The following CACNA2D1 variants were observed in gnomAD, a reference collection of about 807,000 sequenced individuals.
The protein encoded by CACNA2D1 is calcium voltage-gated channel auxiliary subunit alpha2delta 1.
In CACNA2D1, 53 loss-of-function variants were observed where a neutral mutation model predicts 171.5. That is an observed-to-expected ratio of 0.31 (90% CI 0.25 to 0.39). The LOEUF (loss-of-function observed/expected upper bound fraction) is 0.39. Among genes scored for constraint, CACNA2D1 ranks in the 10% least tolerant of loss-of-function variants. The probability of loss-of-function intolerance (pLI) is 1.00; values close to 1 mark genes in which losing one functional copy is unlikely to be tolerated. For synonymous variants in CACNA2D1, 442 were observed against 443.1 expected, an observed-to-expected ratio of 1.00 and a Z score of 0.03; for missense variants, 903 against 1,299.8, an observed-to-expected ratio of 0.69 and a Z score of 4.69.
Position 82,023,624 on chromosome 7 carries a change from G to A in CACNA2D1, c.1144-9145C>T, listed in dbSNP as rs1801523155. ...TCACCAAACTTTCTTTCAAGATGTT[G>A]TAATTTTTCTGTATTTCTAAATTTT... On this transcript the variant is annotated intron_variant, in intron 12 of 38. Transcript: ENST00000356860. 2.0e-5 allele frequency among the ~76,000 whole-genome samples: 3 copies of A among 151,496 alleles called. No homozygotes were observed. In the Admixed American group the frequency reaches 2.0e-4, roughly 10 times the overall value.
intron 13 of CACNA2D1, among the ~76,000 whole-genome samples, chr7:82,013,899 G>T (rs1800102307): frequency 6.6e-6 from 1 of 151,756 alleles, no homozygotes; most frequent in Non-Finnish European, 1.5e-5. Context: ...TGTTGCCATG[G>T]TATCACAGTT....
intron 10 of CACNA2D1, among the ~76,000 whole-genome samples, chr7:82,040,452 CAAAAAAA>C (rs34257660): frequency 2.8e-5 from 3 of 106,496 alleles, no homozygotes; most frequent in East Asian, 3.1e-4. Flanking sequence ...ATAATTTATT[CAAAAAAA>C]AAAAAAAAAA....
At chr7:82,281,411 T>C (rs1222291909) in intron 3 of CACNA2D1, among the ~76,000 whole-genome samples, 1 of 152,182 alleles carries the variant, frequency 6.6e-6, no homozygotes, top group Non-Finnish European at 1.5e-5. Context: ...GACTCACTGT[T>C]CAAGAGACAG....
At chr7:81,962,623 A>G in intron 34 of CACNA2D1, 128 bp from the exon 35 acceptor site, 1 of 673,914 alleles carries the variant, frequency 1.5e-6, no homozygotes. Flanking sequence ...TTTTTATTTA[A>G]GTATTTTCAA....
At chr7:82,040,841 G>T (rs1172719719) in intron 10 of CACNA2D1, among the ~76,000 whole-genome samples, 1 of 152,076 alleles carries the variant, frequency 6.6e-6, no homozygotes, top group African/African-American at 2.4e-5. Flanking sequence ...CAGGTGTGGT[G>T]GTGCATGCTT....
chr7:82,017,748 A>G (rs1800680578), intron 12 of CACNA2D1, among the ~76,000 whole-genome samples: 1 of 152,166 alleles, frequency 6.6e-6, no homozygotes, highest in Non-Finnish European at 1.5e-5. Context: ...GTATTTGTAC[A>G]GTTCTTTTAA....
chr7:82,040,276 G>C (rs537592426), intron 10 of CACNA2D1, among the ~76,000 whole-genome samples: 1 of 152,086 alleles, frequency 6.6e-6, no homozygotes, highest in African/African-American at 2.4e-5. Flanking sequence ...GCATCTGGAA[G>C]GATAGAGGAC....
intron 5 of CACNA2D1, among the ~76,000 whole-genome samples, chr7:82,132,349 C>T (rs547241317): frequency 6.6e-6 from 1 of 152,212 alleles, no homozygotes; most frequent in South Asian, 2.1e-4. Flanking sequence ...AATTACTATC[C>T]CTTCTCTCTT....
At chr7:81,990,630 AGAG>A (rs988214692) in intron 21 of CACNA2D1, among the ~76,000 whole-genome samples, 34 of 152,278 alleles carry the variant, frequency 2.2e-4, no homozygotes, top group Admixed American at 1.2e-3. Context: ...CAGTGAGCTC[AGAG>A]GAGAGTTAGA....
At chr7:82,314,726 G>A (rs191534827) in intron 3 of CACNA2D1, among the ~76,000 whole-genome samples, 152 of 151,538 alleles carry the variant, frequency 1.0e-3, no homozygotes, top group African/African-American at 3.2e-3. Flanking sequence ...CCTTCTCTCC[G>A]GACTAAAAAA....
intron 38 of CACNA2D1, among the ~76,000 whole-genome samples, chr7:81,951,970 T>G (rs866050471): frequency 4.2e-5 from 1 of 23,960 alleles, no homozygotes; most frequent in African/African-American, 1.7e-4. Context: ...GTACAAAGTG[T>G]TTTTTTTTTT....
intron 7 of CACNA2D1, among the ~76,000 whole-genome samples, chr7:82,069,400 CA>C (rs1808045835): frequency 6.6e-6 from 1 of 152,118 alleles, no homozygotes; most frequent in Non-Finnish European, 1.5e-5. Flanking sequence ...CTGAAAATGA[CA>C]GTTCACAATG....
At chr7:82,387,101 T>C (rs1019801006) in intron 1 of CACNA2D1, among the ~76,000 whole-genome samples, 1 of 152,114 alleles carries the variant, frequency 6.6e-6, no homozygotes, top group Non-Finnish European at 1.5e-5. Flanking sequence ...TGAGAACAAT[T>C]AGGTCATTTC....
At chr7:82,141,807 C>A (rs1211102916) in intron 4 of CACNA2D1, among the ~76,000 whole-genome samples, 3 of 152,156 alleles carry the variant, frequency 2.0e-5, no homozygotes, top group Non-Finnish European at 2.9e-5. Context: ...TCAGTTTGAG[C>A]ATATGTGTTT....
chr7:82,159,780 A>T (rs530728766), intron 4 of CACNA2D1, among the ~76,000 whole-genome samples: 15 of 126,742 alleles, frequency 1.2e-4, no homozygotes, highest in African/African-American at 3.7e-4. Context: ...GATGCATATG[A>T]AAAGGACATT....
At chr7:81,960,416 T>C (rs1248436444) in intron 36 of CACNA2D1, among the ~76,000 whole-genome samples, 1 of 151,982 alleles carries the variant, frequency 6.6e-6, no homozygotes, top group Non-Finnish European at 1.5e-5. Flanking sequence ...GTAATTGAAA[T>C]TTCAATAGCC....
chr7:82,092,798 T>G (rs184883061), intron 6 of CACNA2D1, among the ~76,000 whole-genome samples: 4 of 152,116 alleles, frequency 2.6e-5, no homozygotes, highest in Admixed American at 6.5e-5. Context: ...AGTAAATACA[T>G]AGCCTGCTAA....
intron 38 of CACNA2D1, among the ~76,000 whole-genome samples, chr7:81,952,211 G>T (rs1332044418): frequency 6.6e-6 from 1 of 151,092 alleles, no homozygotes; most frequent in East Asian, 1.9e-4. Flanking sequence ...CATCTTTAAA[G>T]AATCTGCTAA....
At chr7:81,969,658 ATC>A (rs1795061562) in intron 28 of CACNA2D1, among the ~76,000 whole-genome samples, 1 of 151,222 alleles carries the variant, frequency 6.6e-6, no homozygotes, top group Admixed American at 6.6e-5. Context: ...CAGATATGCT[ATC>A]TCTAAATTAC....
Sources: allele counts gnomAD v4.1 joint callset (sites outside exome capture counted in the v4.1 genomes callset), GRCh38; gene constraint gnomAD v4.1.1; transcripts MANE v1.5; gene names NCBI Gene and HGNC (gene_info 2026-07-23, HGNC 2026-07-21).